NUMA1: variants seen among roughly 807,000 people sequenced by gnomAD.
The protein encoded by NUMA1 is nuclear mitotic apparatus protein 1, also known as SP-H antigen.
A neutral mutation model predicts 237.1 loss-of-function variants in NUMA1; 62 were observed. The observed-to-expected ratio is 0.26, with a 90% CI of 0.21 to 0.32. The LOEUF (loss-of-function observed/expected upper bound fraction) is 0.32, where lower values mean the gene tolerates loss of function less well. Among genes scored for constraint, NUMA1 ranks in the 10% least tolerant of loss-of-function variants. The probability of loss-of-function intolerance (pLI) is 1.00; values close to 1 mark genes in which losing one functional copy is unlikely to be tolerated. For synonymous variants in NUMA1, 1,028 were observed against 1,066.1 expected (o/e 0.96, Z 0.70); for missense variants, 2,533 against 2,666.5 (o/e 0.95, Z 1.10).
chr11:72,075,062 T>TAAATAAATAAATAAAA (rs1192005110), intron 1 of NUMA1, among the ~76,000 whole-genome samples: 2 of 149,480 alleles, frequency 1.3e-5, no homozygotes, highest in African/African-American at 4.9e-5. Context: ...AATAAATAAA[T>TAAATAAATAAATAAAA]AAAATAAAAA....
intron 4 of NUMA1, among the ~76,000 whole-genome samples, chr11:72,028,986 G>A (rs1939942651): frequency 6.6e-6 from 1 of 152,228 alleles, no homozygotes; most frequent in African/African-American, 2.4e-5. Flanking sequence ...AGAAGCCTCA[G>A]GATGGGACAA....
intron 2 of NUMA1, chr11:72,062,491 T>A (rs1942994459): frequency 6.6e-6 from 1 of 152,172 alleles, no homozygotes; most frequent in African/African-American, 2.4e-5. Context: ...GGCGAGCAGA[T>A]CACCTGAGGT....
chr11:72,071,914 A>G (rs1341806266), intron 1 of NUMA1, among the ~76,000 whole-genome samples: 1 of 152,172 alleles, frequency 6.6e-6, no homozygotes, highest in Non-Finnish European at 1.5e-5. Flanking sequence ...TGTATTATAT[A>G]CTTTTTTATA....
chr11:72,025,577 C>CAAG (rs1939474437), intron 4 of NUMA1, among the ~76,000 whole-genome samples: 1 of 152,170 alleles, frequency 6.6e-6, no homozygotes, highest in Non-Finnish European at 1.5e-5. Context: ...GCTGAATTCT[C>CAAG]TAGGCTACAG....
rs773138007 is a variant in NUMA1 at position 72,029,265 on chromosome 11, G to A, written c.68C>T (p.Pro23Leu). The A allele has an allele frequency of 1.2e-6, 2 of 1,609,850 alleles. No individual in the cohort carries two copies. The highest frequency in any genetic ancestry group is 2.2e-5 in the South Asian group (2 of 91,038). Residue 23 changes from proline (P) to leucine (L), a missense_variant, in exon 4 of 27, where the codon CCT becomes CTT. Around this residue, in one of 3 missense-constraint regions of NUMA1, gnomAD observed 1,414 missense variants for 1,508.1 expected, o/e 0.94. Transcript: ENST00000393695. Reference sequence around the variant, plus strand: ...CTGGAGCTGCAGCACAGCCTCCACAGGGTCAGCCACGTGTAGACTGTTCAC... The same window carrying A: ...CTGGAGCTGCAGCACAGCCTCCACAAGGTCAGCCACGTGTAGACTGTTCAC... ...SWVNSLHVAD[P>L]VEAVLQLQDC...
chr11:72,009,502 G>A, intron 17 of NUMA1, 115 bp from the exon 18 acceptor site: 1 of 1,383,264 alleles, frequency 7.2e-7, no homozygotes, highest in South Asian at 1.5e-5. Flanking sequence ...TTCTTAGGAA[G>A]CGGAAGAAAA....
chr11:72,054,081 A>G (rs958562706), intron 2 of NUMA1, among the ~76,000 whole-genome samples: 7 of 152,248 alleles, frequency 4.6e-5, no homozygotes, highest in African/African-American at 1.4e-4. Context: ...GTATAAATGA[A>G]GAATGAGAAA....
intron 1 of NUMA1, chr11:72,076,582 T>C (rs1200915561): frequency 6.6e-6 from 1 of 152,066 alleles, no homozygotes; most frequent in Admixed American, 6.5e-5. Context: ...GGTTGGCAGT[T>C]CAAGATCAGC....
rs774763599 is a variant in NUMA1 at position 72,006,055 on chromosome 11, A to G, written c.5672T>C (p.Val1891Ala). ...RSSARRSQAG[V>A]SSGAPPGRNS... ...CTCACCTGGAGGGGCCCCACTGGACACCCCGGCCTGGGAACGACGAGCAGA... is the reference window on the plus strand; with the variant it reads ...CTCACCTGGAGGGGCCCCACTGGACGCCCCGGCCTGGGAACGACGAGCAGA... The change falls in exon 22 of 27, where the codon GTG becomes GCG. Residue 1891 changes from valine to alanine, a missense_variant. Physicochemically the swap from Val to Ala is moderately conservative, Grantham distance 64. Coordinates refer to ENST00000393695, the MANE Select transcript of NUMA1 (RefSeq NM_006185.4). 6.2e-7 allele frequency: 1 copy of G among 1,612,814 alleles called. No homozygotes were observed. Among genetic ancestry groups the G allele is most frequent in the South Asian group, 1.1e-5 (1 of 91,028 alleles).
chr11:72,031,727 TC>T (rs1198979926), intron 3 of NUMA1, among the ~76,000 whole-genome samples: 3 of 151,990 alleles, frequency 2.0e-5, no homozygotes, highest in African/African-American at 7.3e-5. Flanking sequence ...CGTGGGAAGA[TC>T]GCTTGAGCCT....
At chr11:72,040,950 G>T (rs1245790263) in intron 2 of NUMA1, 2 of 151,982 alleles carry the variant, frequency 1.3e-5, no homozygotes, top group Non-Finnish European at 2.9e-5. Context: ...CGGTGCGGGG[G>T]GGCCTTACCA....
chr11:72,062,491 T>C (rs1942994459), intron 2 of NUMA1: 2 of 152,290 alleles, frequency 1.3e-5, no homozygotes, highest in African/African-American at 4.8e-5. Context: ...GGCGAGCAGA[T>C]CACCTGAGGT....
chr11:72,018,604 G>C, intron 10 of NUMA1, 91 bp from the exon 11 acceptor site: 1 of 1,218,426 alleles, frequency 8.2e-7, no homozygotes, highest in Admixed American at 1.8e-5. Context: ...AAGGGGAAGG[G>C]AGGAGACGGC....
chr11:72,009,435 A>C, intron 17 of NUMA1, 48 bp from the exon 18 acceptor site: 1 of 1,551,714 alleles, frequency 6.4e-7, no homozygotes, highest in Non-Finnish European at 8.6e-7. Flanking sequence ...GCTCTACCCA[A>C]GTCCGCTTAT....
At chr11:72,005,799 C>T in intron 22 of NUMA1, 4 of 560,196 alleles carry the variant, frequency 7.1e-6, no homozygotes, top group Admixed American at 3.3e-5. Flanking sequence ...CTAAGTGTCA[C>T]AATTGTGCTG....
At chr11:72,075,325 G>A (rs1029291379) in intron 1 of NUMA1, among the ~76,000 whole-genome samples, 10 of 152,188 alleles carry the variant, frequency 6.6e-5, no homozygotes, top group Admixed American at 4.6e-4. Flanking sequence ...CAGAAGACAA[G>A]AGAAGGCTAC....
intron 2 of NUMA1, chr11:72,067,216 T>A (rs1041556457): frequency 6.6e-6 from 1 of 152,186 alleles, no homozygotes. Flanking sequence ...AGGATCTAAG[T>A]ATTGAAAAGC....
chr11:72,018,194 G>A lies in NUMA1; in HGVS notation c.967C>T (p.Leu323Phe), dbSNP rs2135164816. 1 of 1,612,942 alleles carries A rather than the reference G, an allele frequency of 6.2e-7. No homozygotes were observed. The highest frequency in any genetic ancestry group is 1.1e-5 in the South Asian group (1 of 91,046). The change falls in exon 12 of 27, where the codon CTT becomes TTT. Residue 323 changes from leucine (L) to phenylalanine (F), a missense_variant. Coordinates refer to ENST00000393695, the MANE Select transcript of NUMA1 (RefSeq NM_006185.4). ...ACCTTAACACCCACCTTAAAGGAAA[G>A]GTCTCCATTCTCCTCCGAAAGCTGG... ...INQLSEENGD[L>F]SFKLREFASH...
Position 72,003,558 on chromosome 11 carries a change from A to G in NUMA1, c.6337-20T>C, listed in dbSNP as rs558791373. 2.0e-5 allele frequency: 33 copies of G among 1,614,122 alleles called. No homozygotes were observed. The highest frequency in any genetic ancestry group is 8.9e-5 in the East Asian group (4 of 44,884). ...CTTTGCCTGAAAGAGACACAGTCAC[A>G]TGGCCAGATGAGAACTTGCGATACT... On this transcript the variant is annotated intron_variant, in intron 26 of 26. Transcript: ENST00000393695.
Sources: gnomAD v4.1 joint callset for allele counts (sites outside exome capture counted in the v4.1 genomes callset) on GRCh38, gnomAD v4.1.1 for gene constraint, gnomAD v4.1.1 regional missense constraint, MANE v1.5 for transcripts, NCBI Gene and HGNC (gene_info 2026-07-23, HGNC 2026-07-21) for gene names.